The following ERMARD variants were observed in gnomAD, a reference collection of about 807,000 sequenced individuals.
The protein encoded by ERMARD is endoplasmic reticulum membrane-associated RNA degradation protein.
A neutral mutation model predicts 83.9 loss-of-function variants in ERMARD; 71 were observed. The observed-to-expected ratio is 0.85, with a 90% CI of 0.70 to 1.03. The LOEUF (loss-of-function observed/expected upper bound fraction) is 1.03. Among genes scored for constraint, ERMARD ranks in the 50% least tolerant of loss-of-function variants. The probability of loss-of-function intolerance (pLI) is 0.00; values close to 1 mark genes in which losing one functional copy is unlikely to be tolerated. For synonymous variants in ERMARD, 284 were observed against 298.6 expected (o/e 0.95, Z 0.50); for missense variants, 838 against 810.9 (o/e 1.03, Z -0.41).
At chr6:169,778,094 G>A (rs977818352) in intron 16 of ERMARD, among the ~76,000 whole-genome samples, 4 of 152,176 alleles carry the variant, frequency 2.6e-5, no homozygotes, top group East Asian at 1.9e-4. Context: ...TTCACCTAAC[G>A]TGCACAGCTC....
rs1006063368 is a variant in ERMARD at position 169,755,477 on chromosome 6, G to A, written c.315+55G>A. 3.1e-6 allele frequency: 5 copies of A among 1,591,932 alleles called. No homozygotes were observed. The African/African-American group carries it at 5.4e-5, about 17-fold the overall frequency. On this transcript the variant is annotated intron_variant, in intron 3 of 17. Transcript: ENST00000366773. The stretch of plus-strand genomic sequence containing the variant: ...AAAGACTGTGCGAATACTACTTAGA[G>A]GACGTACTATTTGCCAATTTTAAAG...
In ERMARD at chr6:169,753,960, A is replaced by C. The variant is rs1414259843; in HGVS notation, c.103A>C (p.Asn35His). The C allele has an allele frequency of 1.9e-6, 3 of 1,613,718 alleles. No individual in the cohort carries two copies. Among genetic ancestry groups the C allele is most frequent in the Non-Finnish European group, 2.5e-6 (3 of 1,179,804 alleles). ...TCAACTCAGAGAAAATTGTGATATC[A>C]ATAGCATTGTAACTCAGAATGGTGA... ...GFQLRENCDI[N>H]SIVTQNGEVC... The change falls in exon 2 of 18, where the codon AAT (asparagine) becomes CAT (histidine). Residue 35 changes from asparagine (N) to histidine (H), a missense_variant. Asn to His is a moderately conservative substitution (Grantham distance 68). Transcript: ENST00000366773.
At chr6:169,765,754 A>G (rs888133418) in intron 9 of ERMARD, among the ~76,000 whole-genome samples, 1 of 152,258 alleles carries the variant, frequency 6.6e-6, no homozygotes, top group African/African-American at 2.4e-5. Context: ...TAATAAATCA[A>G]AAAACATTTC....
intron 16 of ERMARD, among the ~76,000 whole-genome samples, chr6:169,777,440 T>C (rs1793727810): frequency 1.3e-5 from 2 of 152,220 alleles, no homozygotes; most frequent in South Asian, 4.1e-4. Flanking sequence ...GGGAGGCAGG[T>C]TTGCCTGAGG....
intron 10 of ERMARD, among the ~76,000 whole-genome samples, 189 bp downstream of exon 10, chr6:169,766,856 A>G (rs573240983): frequency 8.5e-5 from 13 of 152,348 alleles, no homozygotes; most frequent in East Asian, 5.8e-4. Context: ...AGTGTTACCA[A>G]TCTAGCTCCC....
rs59747825 is a variant in ERMARD at position 169,767,756 on chromosome 6, T to TACACACAC, written c.991-329_991-322dup. 1,453 of 259,548 alleles carry TACACACAC rather than the reference T, an allele frequency of 5.6e-3. 9 individuals are homozygous for TACACACAC. The highest frequency in any genetic ancestry group is 0.01 in the African/African-American group (437 of 43,680). The allele number at this position is 259,548 out of a possible 1,614,324, so 16.1% of individuals were successfully genotyped here. A position where few individuals can be genotyped will look rare whatever the true frequency, so the allele number is the denominator to read the frequency against. On this transcript the variant is annotated intron_variant, in intron 10 of 17. Transcript: ENST00000366773. ...CATACACACATGCAGGCACATACAC[T>TACACACAC]ACACACACACACACACACACACACA...
intron 12 of ERMARD, chr6:169,772,999 G>T: frequency 3.7e-6 from 1 of 272,894 alleles, no homozygotes. Flanking sequence ...CATTTTTAGT[G>T]TTTAAGTAAC....
At chr6:169,780,392 T>C (rs1053206564) in intron 17 of ERMARD, among the ~76,000 whole-genome samples, 9 of 152,220 alleles carry the variant, frequency 5.9e-5, no homozygotes, top group Non-Finnish European at 1.2e-4. Context: ...TTTCATTATA[T>C]TATCCTTTTA....
chr6:169,751,863 G>A, intron 1 of ERMARD, 200 bp downstream of exon 1: 1 of 738,518 alleles, frequency 1.4e-6, no homozygotes, highest in Non-Finnish European at 2.0e-6. Context: ...GACGCCTGGC[G>A]GGCCCTGCCG....
intron 13 of ERMARD, among the ~76,000 whole-genome samples, chr6:169,774,567 T>C (rs1793359806): frequency 6.6e-6 from 1 of 152,196 alleles, no homozygotes; most frequent in Non-Finnish European, 1.5e-5. Flanking sequence ...ACTTACCACT[T>C]CCTGTCCCCC....
Position 169,761,691 on chromosome 6 carries a change from T to TTTGTTTTGTC in ERMARD, c.858-731_858-730insGTCTTGTTTT, listed in dbSNP as rs71765581. ...TGTAAGTGGTTTTGTTTTGTTTTGT[T>TTTGTTTTGTC]TTGTTTTTTGAGACAGAGTCTCACT... On this transcript the variant is annotated intron_variant, in intron 8 of 17. Transcript: ENST00000366773. 1.1e-4 allele frequency among the ~76,000 whole-genome samples: 17 copies of TTTGTTTTGTC among 152,212 alleles called. No individual in the cohort carries two copies. In the East Asian group the frequency reaches 3.3e-3, roughly 29 times the overall value.
At chr6:169,776,746 C>A in intron 16 of ERMARD, 73 bp downstream of exon 16, 1 of 1,520,132 alleles carries the variant, frequency 6.6e-7, no homozygotes, top group African/African-American at 1.4e-5. Context: ...TTCTAGTCCT[C>A]ACTTCCAGAC....
chr6:169,756,128 A>G (rs1351900061), intron 3 of ERMARD, among the ~76,000 whole-genome samples: 1 of 152,236 alleles, frequency 6.6e-6, no homozygotes, highest in Admixed American at 6.5e-5. Flanking sequence ...ATAAACGTTT[A>G]AATAAAGAAC....
chr6:169,751,479 G>A, upstream of ERMARD: 1 of 1,612,214 alleles, frequency 6.2e-7, no homozygotes, highest in Non-Finnish European at 8.5e-7. Context: ...TCTCCAAGAC[G>A]CCCACCGCCT....
chr6:169,764,306 C>T (rs1334029078), intron 9 of ERMARD, among the ~76,000 whole-genome samples: 1 of 150,854 alleles, frequency 6.6e-6, no homozygotes, highest in Admixed American at 6.6e-5. Flanking sequence ...GCTTTGTCAC[C>T]CAGGCTGAAG....
chr6:169,751,848 T>C, intron 1 of ERMARD, 185 bp downstream of exon 1: 1 of 867,644 alleles, frequency 1.2e-6, no homozygotes, highest in Non-Finnish European at 1.6e-6. Flanking sequence ...CGCTCGGCCC[T>C]GCAAGACGCC....
intron 16 of ERMARD, among the ~76,000 whole-genome samples, chr6:169,778,233 A>G (rs1006158724): frequency 1.2e-4 from 19 of 152,356 alleles, no homozygotes; most frequent in African/African-American, 3.4e-4. Context: ...TGACGAAACA[A>G]TGTTGAATGA....
At chr6:169,766,496 A>G (rs1792224573) in intron 9 of ERMARD, 142 bp from the exon 10 acceptor site, 1 of 587,218 alleles carries the variant, frequency 1.7e-6, no homozygotes, top group Non-Finnish European at 2.9e-6. Context: ...TTCCTCTCAT[A>G]GTGTTTCTAG....
intron 16 of ERMARD, among the ~76,000 whole-genome samples, chr6:169,777,431 G>A (rs1415730058): frequency 6.6e-6 from 1 of 152,174 alleles, no homozygotes; most frequent in African/African-American, 2.4e-5. Context: ...GAATAAAATG[G>A]GAGGCAGGTT....
Sources: allele counts gnomAD v4.1 joint callset (sites outside exome capture counted in the v4.1 genomes callset), GRCh38; gene constraint gnomAD v4.1.1; transcripts MANE v1.5; gene names NCBI Gene and HGNC (gene_info 2026-07-23, HGNC 2026-07-21).